Variants in SLC29A3 observed in about 807,000 individuals in gnomAD.
SLC29A3 encodes equilibrative nucleoside transporter 3.
SLC29A3 carries 18 observed loss-of-function variants against 25.4 expected under a neutral mutation model. The observed-to-expected ratio is 0.71, with a 90% CI of 0.49 to 1.05. SLC29A3 has a LOEUF of 1.05. Among genes scored for constraint, SLC29A3 ranks in the 50% least tolerant of loss-of-function variants. The pLI is 0.00. For synonymous variants in SLC29A3, 258 were observed against 267.1 expected (o/e 0.97, Z 0.33); for missense variants, 586 against 609.0 (o/e 0.96, Z 0.40).
At chr10:71,336,153 G>T (rs1055338018) in intron 2 of SLC29A3, among the ~76,000 whole-genome samples, 6 of 152,160 alleles carry the variant, frequency 3.9e-5, no homozygotes, top group Admixed American at 3.9e-4. Context: ...GCAGTCTGTG[G>T]CTCTGTCTTC....
At chr10:71,354,898 G>A (rs1318227877) in intron 4 of SLC29A3, among the ~76,000 whole-genome samples, 3 of 152,230 alleles carry the variant, frequency 2.0e-5, no homozygotes, top group Non-Finnish European at 4.4e-5. Context: ...ACACAGGCAG[G>A]GAAGAAAGTA....
Position 71,351,730 on chromosome 10 carries a change from C to T in SLC29A3, c.552C>T (p.Ser184=). 6.2e-7 allele frequency: 1 copy of T among 1,614,202 alleles called. No individual in the cohort carries two copies. The highest frequency in any genetic ancestry group is 8.5e-7 in the Non-Finnish European group (1 of 1,180,048). ...ILSGASTVFS[S]SIYGMTGSFP... is the part of the protein sequence containing the mutation. The stretch of plus-strand genomic sequence containing the variant: ...GCGGTGCCTCCACTGTCTTCAGCAG[C>T]AGCATCTACGGCATGACCGGCTCCT... The change falls in exon 4 of 6, where the codon AGC becomes AGT. Residue 184 remains serine, a synonymous_variant. Transcript: ENST00000373189.
intron 5 of SLC29A3, among the ~76,000 whole-genome samples, chr10:71,360,134 CTTTTTTTTTTTT>C (rs10532475): frequency 1.4e-5 from 1 of 71,456 alleles, no homozygotes; most frequent in African/African-American, 5.7e-5. Flanking sequence ...TCTTCTTCTT[CTTTTTTTTTTTT>C]TTTTTTTTTT....
Position 71,362,780 on chromosome 10 carries a change from C to T in SLC29A3, c.*172C>T. 1 of 783,790 alleles carries T rather than the reference C, an allele frequency of 1.3e-6. No homozygotes were observed. Among genetic ancestry groups the T allele is most frequent in the South Asian group, 1.5e-5 (1 of 68,484 alleles). The allele number at this position is 783,790 out of a possible 1,614,324, so 48.6% of individuals were successfully genotyped here. ...CCAGTGAGCCACGTCCATGCCCATT[C>T]CGTGCAAGGCAGATATTCCAGTCAT... On this transcript the variant is annotated 3_prime_UTR_variant, in exon 6 of 6. Coordinates refer to ENST00000373189, the MANE Select transcript of SLC29A3 (RefSeq NM_018344.6).
intron 2 of SLC29A3, among the ~76,000 whole-genome samples, chr10:71,337,377 A>G (rs1846279516): frequency 6.6e-6 from 1 of 152,236 alleles, no homozygotes; most frequent in African/African-American, 2.4e-5. Flanking sequence ...CAGGCCGCAG[A>G]ACTCAGCTAT....
At chr10:71,319,369 G>A (rs72542483) in intron 1 of SLC29A3, 59 bp downstream of exon 1, 3 of 602,576 alleles carry the variant, frequency 5.0e-6, no homozygotes, top group African/African-American at 3.9e-5. Flanking sequence ...CCAGACTCGC[G>A]CTCAGCGACC....
chr10:71,336,002 G>A (rs1368477843), intron 2 of SLC29A3, among the ~76,000 whole-genome samples: 1 of 152,188 alleles, frequency 6.6e-6, no homozygotes, highest in Non-Finnish European at 1.5e-5. Flanking sequence ...TGGAGGAGAG[G>A]AGTGCTGGAA....
intron 4 of SLC29A3, among the ~76,000 whole-genome samples, chr10:71,376,518 G>C (rs1257539028): frequency 6.6e-6 from 1 of 152,150 alleles, no homozygotes; most frequent in Non-Finnish European, 1.5e-5. Context: ...TTTATCAGGG[G>C]TAGGAAGTAA....
intron 2 of SLC29A3, among the ~76,000 whole-genome samples, chr10:71,338,596 A>C (rs150958516): frequency 8.1e-4 from 124 of 152,184 alleles, no homozygotes; most frequent in African/African-American, 2.8e-3. Context: ...TGTCTCTACT[A>C]AAAATACAAA....
chr10:71,344,401 A>C (rs1044774440), intron 3 of SLC29A3, 110 bp downstream of exon 3: 13 of 810,804 alleles, frequency 1.6e-5, no homozygotes, highest in African/African-American at 1.5e-4. Flanking sequence ...GTGGTCACCA[A>C]AGTAGGATGC....
At chr10:71,376,382 C>T (rs1013243621) in intron 4 of SLC29A3, among the ~76,000 whole-genome samples, 3 of 76,964 alleles carry the variant, frequency 3.9e-5, no homozygotes, top group African/African-American at 1.8e-4. Context: ...GGTTGGAAAT[C>T]TGGCCCTGTA....
At chr10:71,370,645 C>A (rs1342499518) in intron 3 of SLC29A3, among the ~76,000 whole-genome samples, 1 of 152,134 alleles carries the variant, frequency 6.6e-6, no homozygotes, top group Non-Finnish European at 1.5e-5. Flanking sequence ...AGTGATCCTC[C>A]CACCTCAGCC....
chr10:71,351,507 G>C (rs957337169), intron 3 of SLC29A3, 55 bp from the exon 4 acceptor site: 40 of 1,552,718 alleles, frequency 2.6e-5, no homozygotes, highest in Non-Finnish European at 3.5e-5. Context: ...ACCAGCCCCA[G>C]CCCACACAGG....
In SLC29A3 at chr10:71,362,728, C is replaced by A; in HGVS notation, c.*120C>A. 1 of 1,348,218 alleles carries A rather than the reference C, an allele frequency of 7.4e-7. No homozygotes were observed. Among genetic ancestry groups the A allele is most frequent in the South Asian group, 1.2e-5 (1 of 81,946 alleles). 83.5% of individuals were successfully genotyped at this position (1,348,218 alleles called of 1,614,324 possible). A position where few individuals can be genotyped will look rare whatever the true frequency, so the allele number is the denominator to read the frequency against. On this transcript the variant is annotated 3_prime_UTR_variant, in exon 6 of 6. Transcript: ENST00000373189. ...TCACTTGGGGACAGAGAGCAGAGCA[C>A]ACTCGGGCCTCATCCCTCCCAAGAT...
intron 2 of SLC29A3, among the ~76,000 whole-genome samples, chr10:71,336,735 C>T (rs60991864): frequency 0.027 from 4,153 of 151,736 alleles, 192 homozygotes; most frequent in African/African-American, 0.095. Context: ...GCCCTTTTTG[C>T]GGAGTGGAAA....
chr10:71,346,133 G>A (rs1846571918), intron 3 of SLC29A3, among the ~76,000 whole-genome samples: 1 of 152,220 alleles, frequency 6.6e-6, no homozygotes, highest in Non-Finnish European at 1.5e-5. Flanking sequence ...TGGGACAGCT[G>A]AGTCTGCCTG....
At position 71,362,077 on chromosome 10, in the gene SLC29A3, C is replaced by T. The variant is rs537544870; in HGVS notation, c.897C>T (p.Arg299=). ...RFIDSHTPPL[R]PILKKTASLG... ...TTGATTCCCACACACCCCCTCTCCG[C>T]CCCATCCTGAAGAAGACGGCCAGCC... Residue 299 remains arginine (R), a synonymous_variant, in exon 6 of 6, where the codon CGC becomes CGT. Coordinates refer to ENST00000373189, the MANE Select transcript of SLC29A3 (RefSeq NM_018344.6). 20 of 1,614,148 alleles carry T rather than the reference C, an allele frequency of 1.2e-5. No homozygotes were observed. In the African/African-American group the frequency reaches 2.7e-4, roughly 22 times the overall value.
chr10:71,329,142 CA>C (rs1443165645), intron 2 of SLC29A3, among the ~76,000 whole-genome samples: 1 of 152,188 alleles, frequency 6.6e-6, no homozygotes, highest in African/African-American at 2.4e-5. Flanking sequence ...TTCCAGTTGC[CA>C]AATGAAACCA....
At chr10:71,350,480 C>A (rs1233074787) in intron 3 of SLC29A3, among the ~76,000 whole-genome samples, 1 of 152,140 alleles carries the variant, frequency 6.6e-6, no homozygotes, top group African/African-American at 2.4e-5. Context: ...AAAGCTTAGT[C>A]TAATCTGATG....
Sources: allele counts gnomAD v4.1 joint callset (sites outside exome capture counted in the v4.1 genomes callset), GRCh38; gene constraint gnomAD v4.1.1; transcripts MANE v1.5; gene names NCBI Gene and HGNC (gene_info 2026-07-23, HGNC 2026-07-21).